LIMCH1: variants seen among roughly 807,000 people sequenced by gnomAD.
LIMCH1 encodes LIM and calponin homology domains-containing protein 1.
Under a neutral mutation model 176.5 loss-of-function variants are expected in LIMCH1, and 113 were observed. The ratio of observed to expected loss-of-function variants is 0.64; its 90% confidence interval spans 0.55 to 0.75. The LOEUF (loss-of-function observed/expected upper bound fraction) is 0.75, where lower values mean the gene tolerates loss of function less well. LIMCH1 is among the 30% of genes least tolerant of loss of function. The pLI is 0.00. For synonymous variants in LIMCH1, 619 were observed against 645.9 expected (o/e 0.96, Z 0.63); for missense variants, 1,674 against 1,814.9 (o/e 0.92, Z 1.41).
chr4:41,451,282 ATT>A (rs751182247), intron 1 of LIMCH1, among the ~76,000 whole-genome samples: 11 of 139,810 alleles, frequency 7.9e-5, no homozygotes, highest in Admixed American at 7.1e-5. Flanking sequence ...CGCCTGGCTA[ATT>A]TTTTTTTTTT....
intron 1 of LIMCH1, among the ~76,000 whole-genome samples, chr4:41,394,812 A>T (rs955230006): frequency 6.6e-6 from 1 of 152,204 alleles, no homozygotes; most frequent in African/African-American, 2.4e-5. Flanking sequence ...GCCTTGCAGC[A>T]GGAAGTGGCA....
chr4:41,472,867 G>A (rs901577781), intron 1 of LIMCH1: 22 of 250,036 alleles, frequency 8.8e-5, no homozygotes, highest in Non-Finnish European at 1.1e-4. Flanking sequence ...TTTTTAAAAC[G>A]CAGGATTCCC....
chr4:41,470,807 C>A (rs140735383), intron 1 of LIMCH1, among the ~76,000 whole-genome samples: 353 of 152,110 alleles, frequency 2.3e-3, no homozygotes, highest in South Asian at 6.9e-3. Flanking sequence ...TGCGTGATTT[C>A]ATCTAGTGGC....
chr4:41,373,546 A>C (rs893707663), intron 1 of LIMCH1, among the ~76,000 whole-genome samples: 1 of 152,262 alleles, frequency 6.6e-6, no homozygotes, highest in East Asian at 1.9e-4. Context: ...GCTAACATTT[A>C]TGAGAGCTTA....
intron 4 of LIMCH1, chr4:41,612,971 T>G (rs1203030588): frequency 6.5e-7 from 1 of 1,546,970 alleles, no homozygotes; most frequent in Non-Finnish European, 8.7e-7. Flanking sequence ...CAGAACTGAT[T>G]CTGCAGCAAA....
intron 1 of LIMCH1, among the ~76,000 whole-genome samples, chr4:41,380,658 G>A (rs1049861481): frequency 4.6e-5 from 7 of 152,182 alleles, no homozygotes; most frequent in African/African-American, 1.4e-4. Context: ...CCAAGTGATT[G>A]CAATGTGCAG....
At chr4:41,421,743 A>G (rs906581512) in intron 1 of LIMCH1, among the ~76,000 whole-genome samples, 21 of 152,204 alleles carry the variant, frequency 1.4e-4, no homozygotes, top group African/African-American at 4.8e-4. Context: ...AGGCAAAACT[A>G]TAAAAGAATA....
intron 1 of LIMCH1, among the ~76,000 whole-genome samples, chr4:41,424,600 T>C (rs4513606): frequency 0.1 from 15,615 of 152,214 alleles, 908 homozygotes; most frequent in African/African-American, 0.16. Context: ...TGTTTTGTAA[T>C]GAAACTTATG....
At chr4:41,430,547 C>T (rs945346516) in intron 1 of LIMCH1, among the ~76,000 whole-genome samples, 1 of 152,230 alleles carries the variant, frequency 6.6e-6, no homozygotes, top group African/African-American at 2.4e-5. Context: ...CAGGCTTGAG[C>T]CATCGGGCAC....
chr4:41,527,356 A>G (rs1369185554), intron 3 of LIMCH1, among the ~76,000 whole-genome samples: 4 of 152,224 alleles, frequency 2.6e-5, no homozygotes, highest in African/African-American at 9.6e-5. Flanking sequence ...TATGTCTTTA[A>G]GTAGTTGGCC....
intron 1 of LIMCH1, among the ~76,000 whole-genome samples, chr4:41,420,117 G>A (rs1046201424): frequency 5.3e-5 from 8 of 152,110 alleles, no homozygotes; most frequent in Non-Finnish European, 1.2e-4. Flanking sequence ...CCCTTCAGCT[G>A]AGACCTGAAT....
intron 2 of LIMCH1, among the ~76,000 whole-genome samples, chr4:41,497,567 G>T (rs1341518996): frequency 6.6e-6 from 1 of 152,182 alleles, no homozygotes; most frequent in East Asian, 1.9e-4. Context: ...ACTTTGGGAG[G>T]CAGGGGCAGA....
chr4:41,646,014 G>A, intron 15 of LIMCH1, 109 bp from the exon 16 acceptor site: 1 of 1,105,372 alleles, frequency 9.0e-7, no homozygotes, highest in Non-Finnish European at 1.3e-6. Context: ...TATAGTGCCT[G>A]GGCCCATAGT....
intron 1 of LIMCH1, among the ~76,000 whole-genome samples, chr4:41,556,988 TA>T (rs2081356975): frequency 1.3e-5 from 2 of 152,178 alleles, no homozygotes; most frequent in South Asian, 4.2e-4. Flanking sequence ...TATCTGCTAT[TA>T]AAGCAGCCAT....
intron 1 of LIMCH1, among the ~76,000 whole-genome samples, chr4:41,362,988 C>T (rs555532454): frequency 6.6e-6 from 1 of 152,146 alleles, no homozygotes; most frequent in African/African-American, 2.4e-5. Flanking sequence ...GCAGCCCAGG[C>T]GAGCTGCGTG....
At chr4:41,387,886 G>A (rs989379890) in intron 1 of LIMCH1, among the ~76,000 whole-genome samples, 1 of 152,066 alleles carries the variant, frequency 6.6e-6, no homozygotes, top group Non-Finnish European at 1.5e-5. Context: ...GAGGCGGGTG[G>A]ATCACCTGAG....
intron 14 of LIMCH1, 67 bp from the exon 15 acceptor site, chr4:41,644,433 C>A (rs559390555): frequency 4.9e-6 from 7 of 1,417,070 alleles, no homozygotes; most frequent in Middle Eastern, 2.6e-4. Flanking sequence ...GGCAGGACGC[C>A]CAGGCGCGCG....
chr4:41,697,125 C>T, intron 31 of LIMCH1, 35 bp from the exon 32 acceptor site: 1 of 1,612,034 alleles, frequency 6.2e-7, no homozygotes, highest in South Asian at 1.1e-5. Flanking sequence ...ATGTTGCCTA[C>T]CACTCTTGTT....
At chr4:41,396,306 A>G (rs1002843521) in intron 1 of LIMCH1, among the ~76,000 whole-genome samples, 1 of 152,224 alleles carries the variant, frequency 6.6e-6, no homozygotes, top group Non-Finnish European at 1.5e-5. Flanking sequence ...TATAACCCAA[A>G]TAACAATGTA....
Sources: gnomAD v4.1 joint callset for allele counts (sites outside exome capture counted in the v4.1 genomes callset) on GRCh38, gnomAD v4.1.1 for gene constraint, MANE v1.5 for transcripts, NCBI Gene and HGNC (gene_info 2026-07-23, HGNC 2026-07-21) for gene names.